Variants in UVRAG observed in about 807,000 individuals in gnomAD.
UVRAG encodes UV radiation resistance-associated gene protein.
Under a neutral mutation model 78.0 loss-of-function variants are expected in UVRAG, and 19 were observed. The observed-to-expected ratio is 0.24, with a 90% CI of 0.17 to 0.36. UVRAG has a LOEUF of 0.36. Among genes scored for constraint, UVRAG ranks in the 10% least tolerant of loss-of-function variants. The probability of loss-of-function intolerance (pLI) is 1.00; values close to 1 mark genes in which losing one functional copy is unlikely to be tolerated. For missense variants in UVRAG, 740 were observed against 853.8 expected, an observed-to-expected ratio of 0.87 and a Z score of 1.66; for synonymous variants, 323 against 324.6, an observed-to-expected ratio of 1.00 and a Z score of 0.05.
intron 1 of UVRAG, chr11:75,837,520 ATTGTT>A (rs771371571): frequency 1.3e-4 from 20 of 152,092 alleles, no homozygotes; most frequent in East Asian, 3.8e-4. Flanking sequence ...CTTTTTAAAA[ATTGTT>A]TTGTTTTGGT....
chr11:75,858,904 G>A (rs1224821095), intron 2 of UVRAG, among the ~76,000 whole-genome samples: 1 of 152,168 alleles, frequency 6.6e-6, no homozygotes, highest in East Asian at 1.9e-4. Context: ...ATTAGGATGA[G>A]GCACTTAAGC....
intron 13 of UVRAG, among the ~76,000 whole-genome samples, chr11:76,100,262 G>A (rs1951855042): frequency 6.6e-6 from 1 of 152,028 alleles, no homozygotes; most frequent in Non-Finnish European, 1.5e-5. Context: ...CCTTTCCCCT[G>A]AGCACTTAAA....
chr11:76,053,521 C>T (rs1265389454), intron 12 of UVRAG, among the ~76,000 whole-genome samples: 1 of 152,068 alleles, frequency 6.6e-6, no homozygotes, highest in East Asian at 1.9e-4. Context: ...CATATCTATT[C>T]ACATATCTTC....
chr11:75,820,487 T>G (rs1217061286), intron 1 of UVRAG, among the ~76,000 whole-genome samples: 2 of 152,102 alleles, frequency 1.3e-5, no homozygotes, highest in African/African-American at 4.8e-5. Flanking sequence ...CCTGAGTAGC[T>G]GGGATTACAG....
At chr11:76,029,383 A>T (rs1357307617) in intron 12 of UVRAG, among the ~76,000 whole-genome samples, 8 of 152,138 alleles carry the variant, frequency 5.3e-5, no homozygotes, top group Admixed American at 5.2e-4. Flanking sequence ...ATTTCATAAG[A>T]CTGTAGCTGC....
At chr11:75,867,615 G>A (rs1260211634) in intron 3 of UVRAG, among the ~76,000 whole-genome samples, 1 of 152,152 alleles carries the variant, frequency 6.6e-6, no homozygotes, top group East Asian at 1.9e-4. Context: ...TTTGGTAAAT[G>A]TATGGATGTA....
intron 13 of UVRAG, among the ~76,000 whole-genome samples, chr11:76,098,290 T>G (rs1323510303): frequency 6.6e-6 from 1 of 152,170 alleles, no homozygotes; most frequent in Non-Finnish European, 1.5e-5. Context: ...TACTTAGAAC[T>G]CACAGACTGT....
intron 13 of UVRAG, among the ~76,000 whole-genome samples, chr11:76,082,989 C>CCA (rs1458473401): frequency 3.3e-5 from 5 of 152,182 alleles, no homozygotes; most frequent in Non-Finnish European, 5.9e-5. Context: ...TGAGATTGCA[C>CCA]CACTGCACTC....
chr11:75,839,671 C>T (rs182141827), intron 1 of UVRAG, among the ~76,000 whole-genome samples: 42 of 151,914 alleles, frequency 2.8e-4, no homozygotes, highest in Admixed American at 2.5e-3. Context: ...CTTATATTTT[C>T]TTTCTGTTCC....
At chr11:76,067,777 G>T (rs117016122) in intron 13 of UVRAG, among the ~76,000 whole-genome samples, 1 of 151,668 alleles carries the variant, frequency 6.6e-6, no homozygotes, top group East Asian at 1.9e-4. Context: ...AAAAGTGCTC[G>T]GACTAAGACT....
At chr11:75,951,334 T>C (rs323637) in intron 6 of UVRAG, among the ~76,000 whole-genome samples, 43,924 of 94,824 alleles carry the variant, frequency 0.46, 6,672 homozygotes, top group Middle Eastern at 0.58. Flanking sequence ...AATGTGTGTG[T>C]GTGTGTGTGT....
At chr11:75,844,653 A>G (rs1013727273) in intron 1 of UVRAG, among the ~76,000 whole-genome samples, 3 of 150,572 alleles carry the variant, frequency 2.0e-5, no homozygotes, top group Non-Finnish European at 3.0e-5. Flanking sequence ...TTTTTTTACT[A>G]AAGCAGATGT....
intron 4 of UVRAG, 107 bp downstream of exon 4, chr11:75,880,147 T>C: frequency 7.6e-7 from 1 of 1,309,506 alleles, no homozygotes; most frequent in Non-Finnish European, 1.1e-6. Context: ...AGAGAGACTT[T>C]TATGACTGTT....
intron 5 of UVRAG, among the ~76,000 whole-genome samples, chr11:75,897,420 G>C (rs762982862): frequency 6.6e-6 from 1 of 152,194 alleles, no homozygotes; most frequent in Non-Finnish European, 1.5e-5. Flanking sequence ...TTATTTTGTA[G>C]ATGGAAAAAC....
At chr11:76,037,851 C>G (rs187048252) in intron 12 of UVRAG, among the ~76,000 whole-genome samples, 1 of 152,044 alleles carries the variant, frequency 6.6e-6, no homozygotes, top group Non-Finnish European at 1.5e-5. Context: ...TGTACATGTC[C>G]GTATAAATGT....
intron 13 of UVRAG, among the ~76,000 whole-genome samples, chr11:76,078,591 A>G (rs1280602899): frequency 6.6e-6 from 1 of 151,882 alleles, no homozygotes; most frequent in Non-Finnish European, 1.5e-5. Flanking sequence ...TGGAAAGAAC[A>G]TAACACCAAC....
chr11:75,847,582 C>G (rs7948375), intron 1 of UVRAG, among the ~76,000 whole-genome samples: 1 of 152,056 alleles, frequency 6.6e-6, no homozygotes, highest in African/African-American at 2.4e-5. Flanking sequence ...CTGGAATGAA[C>G]GTTATTAAAA....
chr11:75,824,875 G>A (rs933583350), intron 1 of UVRAG, among the ~76,000 whole-genome samples: 2 of 151,762 alleles, frequency 1.3e-5, no homozygotes, highest in Non-Finnish European at 2.9e-5. Context: ...GGGTTTCACC[G>A]TGTTAGCCAG....
At chr11:76,113,794 TTGGAAAGA>T (rs1215161192) in intron 13 of UVRAG, among the ~76,000 whole-genome samples, 2 of 152,118 alleles carry the variant, frequency 1.3e-5, no homozygotes, top group Admixed American at 1.3e-4. Context: ...AGGAAGAAGG[TTGGAAAGA>T]TGGTCTCCAG....
Sources: gnomAD v4.1 joint callset for allele counts (sites outside exome capture counted in the v4.1 genomes callset) on GRCh38, gnomAD v4.1.1 for gene constraint, MANE v1.5 for transcripts, NCBI Gene and HGNC (gene_info 2026-07-23, HGNC 2026-07-21) for gene names.